AKAP6: variants seen among roughly 807,000 people sequenced by gnomAD.
The protein encoded by AKAP6 is A-kinase anchor protein 6.
In AKAP6, 58 loss-of-function variants were observed where a neutral mutation model predicts 188.5. The observed-to-expected ratio is 0.31, with a 90% CI of 0.25 to 0.38. The LOEUF is 0.38. AKAP6 is among the 10% of genes least tolerant of loss of function. The pLI is 1.00. For missense variants in AKAP6, 2,710 were observed against 2,740.0 expected, an observed-to-expected ratio of 0.99 and a Z score of 0.24; for synonymous variants, 989 against 998.6, an observed-to-expected ratio of 0.99 and a Z score of 0.18.
chr14:32,570,250 C>T (rs901208129), intron 4 of AKAP6, among the ~76,000 whole-genome samples: 4 of 150,618 alleles, frequency 2.7e-5, no homozygotes, highest in Middle Eastern at 6.8e-3. Context: ...CGTGCCTCAG[C>T]CTCCTAAGTA....
At chr14:32,829,664 T>C (rs748880389) in intron 13 of AKAP6, among the ~76,000 whole-genome samples, 184 bp from the exon 14 acceptor site, 2 of 152,196 alleles carry the variant, frequency 1.3e-5, no homozygotes, top group Non-Finnish European at 2.9e-5. Flanking sequence ...CGCTGAGACT[T>C]TTTTTGTCAG....
intron 1 of AKAP6, among the ~76,000 whole-genome samples, chr14:32,416,802 G>A (rs917484468): frequency 1.6e-4 from 25 of 151,888 alleles, no homozygotes; most frequent in African/African-American, 5.6e-4. Flanking sequence ...TGATCTGCCC[G>A]CCTCAGTCTC....
Position 32,823,926 on chromosome 14 carries a change from G to T in AKAP6, c.6113G>T (p.Cys2038Phe). The change falls in exon 13 of 14, where the codon TGT becomes TTT. Residue 2038 changes from cysteine (C) to phenylalanine (F), a missense_variant. Cys to Phe is a radical substitution (Grantham distance 205). Around this residue, in one of 2 missense-constraint regions of AKAP6, gnomAD observed 2,473 missense variants for 2,426.1 expected, o/e 1.02. Transcript: ENST00000280979. ...EENASISNIS[C>F]CNCEPDVFHQ... ...AATGCTTCTATCAGCAACATTTCCTGTTGCAACTGTGAGCCAGATGTTTTC... is the reference window on the plus strand; with the variant it reads ...AATGCTTCTATCAGCAACATTTCCTTTTGCAACTGTGAGCCAGATGTTTTC... 25 of 1,613,956 alleles carry T rather than the reference G, an allele frequency of 1.5e-5. No individual in the cohort carries two copies. The highest frequency in any genetic ancestry group is 1.9e-5 in the Non-Finnish European group (23 of 1,179,934).
At chr14:32,382,293 C>A (rs1888389999) in intron 1 of AKAP6, among the ~76,000 whole-genome samples, 1 of 152,106 alleles carries the variant, frequency 6.6e-6, no homozygotes, top group Admixed American at 6.6e-5. Flanking sequence ...CAGAGGGAGC[C>A]TCTGAATTGA....
chr14:32,551,304 G>A (rs1883449690), intron 4 of AKAP6, among the ~76,000 whole-genome samples: 1 of 152,102 alleles, frequency 6.6e-6, no homozygotes, highest in South Asian at 2.1e-4. Context: ...GGGCGCCGTG[G>A]CTCATGCCTG....
At chr14:32,816,291 C>T (rs933320283) in intron 12 of AKAP6, among the ~76,000 whole-genome samples, 2 of 151,936 alleles carry the variant, frequency 1.3e-5, no homozygotes, top group Non-Finnish European at 2.9e-5. Flanking sequence ...CTCGTGGCCT[C>T]AAGCAATCCT....
chr14:32,724,227 TTTTC>T (rs1213216627), intron 9 of AKAP6, among the ~76,000 whole-genome samples: 4 of 152,222 alleles, frequency 2.6e-5, no homozygotes, highest in Admixed American at 1.3e-4. Flanking sequence ...CATATTCATA[TTTTC>T]TTTATCTATG....
chr14:32,408,827 A>G (rs920149054), intron 1 of AKAP6, among the ~76,000 whole-genome samples: 3 of 152,108 alleles, frequency 2.0e-5, no homozygotes, highest in East Asian at 1.9e-4. Context: ...GGGCTTTCTT[A>G]TCCATGGCAA....
rs150161322 is a variant in AKAP6, at chr14:32,768,454, T to A, written c.3373-5224T>A. Among the ~76,000 whole-genome samples, 60 of 152,312 alleles carry A rather than the reference T, an allele frequency of 3.9e-4. No homozygotes were observed. The East Asian group carries it at 0.012, about 29-fold the overall frequency. ...CACCAAATACTGGATCCAAATGACC[T>A]AATACATAATTGCACTGGAAATTCT... is the stretch of plus-strand genomic sequence containing the variant. On this transcript the variant is annotated intron_variant, in intron 11 of 13. Transcript: ENST00000280979.
chr14:32,483,114 G>A (rs1957036), intron 2 of AKAP6, among the ~76,000 whole-genome samples: 94,840 of 151,676 alleles, frequency 0.63, 30,921 homozygotes, highest in East Asian at 0.86. Flanking sequence ...GTGTCTTTCA[G>A]CACATCCTCA....
At chr14:32,811,333 AT>A (rs1472129912) in intron 12 of AKAP6, among the ~76,000 whole-genome samples, 2 of 150,752 alleles carry the variant, frequency 1.3e-5, no homozygotes, top group Admixed American at 1.3e-4. Context: ...CCAACATTTT[AT>A]TTTTTTTCTC....
At chr14:32,749,821 A>G (rs1430228360) in intron 11 of AKAP6, among the ~76,000 whole-genome samples, 1 of 152,210 alleles carries the variant, frequency 6.6e-6, no homozygotes, top group Non-Finnish European at 1.5e-5. Context: ...CAGAAACCCT[A>G]CAATCATAGG....
chr14:32,368,019 G>T (rs1465940102), intron 1 of AKAP6, among the ~76,000 whole-genome samples: 1 of 151,982 alleles, frequency 6.6e-6, no homozygotes, highest in Non-Finnish European at 1.5e-5. Context: ...TCTTCTATTG[G>T]TCCTGCCAGG....
At chr14:32,774,072 T>G (rs2032981801) in intron 12 of AKAP6, 179 bp downstream of exon 12, 1 of 629,936 alleles carries the variant, frequency 1.6e-6, no homozygotes. Context: ...ACGAACTAGC[T>G]GTCCACTAAA....
intron 7 of AKAP6, among the ~76,000 whole-genome samples, chr14:32,660,523 AAATTCTAGTTCAGGAATTTGAGGG>A (rs1408550459): frequency 6.6e-6 from 1 of 152,090 alleles, no homozygotes; most frequent in East Asian, 1.9e-4. Context: ...TCAGAGCAAT[AAATTCTAGTTCAGGAATTTGAGGG>A]AATTCTGAAA....
At chr14:32,683,898 T>C (rs566283809) in intron 8 of AKAP6, among the ~76,000 whole-genome samples, 3 of 152,196 alleles carry the variant, frequency 2.0e-5, no homozygotes, top group African/African-American at 7.2e-5. Context: ...ACAACAGCAA[T>C]AGAAACTGAA....
intron 2 of AKAP6, among the ~76,000 whole-genome samples, chr14:32,435,917 T>G (rs991172835): frequency 6.6e-6 from 1 of 152,250 alleles, no homozygotes; most frequent in South Asian, 2.1e-4. Context: ...AATATTTCTT[T>G]ATTCCACCAA....
chr14:32,550,750 C>T (rs1485599758), intron 4 of AKAP6, among the ~76,000 whole-genome samples: 4 of 152,150 alleles, frequency 2.6e-5, no homozygotes, highest in Non-Finnish European at 5.9e-5. Flanking sequence ...AGGCATTTTA[C>T]CTATAATAAC....
intron 2 of AKAP6, among the ~76,000 whole-genome samples, chr14:32,494,540 T>C (rs879622738): frequency 2.0e-5 from 3 of 152,194 alleles, no homozygotes; most frequent in African/African-American, 4.8e-5. Context: ...TTCATAATTA[T>C]GAAAAATGCT....
Sources: gnomAD v4.1 joint callset for allele counts (sites outside exome capture counted in the v4.1 genomes callset) on GRCh38, gnomAD v4.1.1 for gene constraint, gnomAD v4.1.1 regional missense constraint, MANE v1.5 for transcripts, NCBI Gene and HGNC (gene_info 2026-07-23, HGNC 2026-07-21) for gene names.